Variants in CCNY observed in about 807,000 individuals in gnomAD.
CCNY encodes the protein cyclin Y.
CCNY carries 19 observed loss-of-function variants against 42.8 expected under a neutral mutation model. The observed-to-expected ratio is 0.44, with a 90% confidence interval of 0.31 to 0.65. The LOEUF is 0.65. CCNY is among the 30% of genes least tolerant of loss of function. CCNY has a pLI of 0.07. For missense variants in CCNY, 370 were observed against 437.3 expected (o/e 0.85, Z 1.37); for synonymous variants, 165 against 162.7 (o/e 1.01, Z -0.11).
chr10:35,421,684 C>G (rs1838162288), intron 1 of CCNY, among the ~76,000 whole-genome samples: 1 of 152,138 alleles, frequency 6.6e-6, no homozygotes, highest in African/African-American at 2.4e-5. Flanking sequence ...CTCCCATTTT[C>G]TTGAGCTGAG....
At chr10:35,337,235 C>G (rs1836061403) in intron 1 of CCNY, 28 bp downstream of exon 1, 3 of 1,478,176 alleles carry the variant, frequency 2.0e-6, no homozygotes, top group Non-Finnish European at 2.7e-6. Context: ...AGCCCCCTAC[C>G]CGCCCCCGCG....
chr10:35,517,464 A>G (rs756210478), intron 4 of CCNY, among the ~76,000 whole-genome samples: 2 of 152,202 alleles, frequency 1.3e-5, no homozygotes, highest in African/African-American at 2.4e-5. Context: ...AGCATATGAA[A>G]TAAGTGTTTA....
chr10:35,534,938 A>G (rs1004967193), intron 7 of CCNY, among the ~76,000 whole-genome samples: 7 of 148,304 alleles, frequency 4.7e-5, no homozygotes, highest in Non-Finnish European at 1.0e-4. Context: ...ATAATATTCC[A>G]TTGAGTGGGG....
At chr10:35,316,832 T>C (rs935858049) in intron 3 of CCNY, among the ~76,000 whole-genome samples, 1 of 152,210 alleles carries the variant, frequency 6.6e-6, no homozygotes, top group South Asian at 2.1e-4. Flanking sequence ...GATTGAGGTA[T>C]TGGTAGAGAA....
At chr10:35,523,668 C>A (rs376882391) in intron 4 of CCNY, among the ~76,000 whole-genome samples, 6 of 152,138 alleles carry the variant, frequency 3.9e-5, no homozygotes, top group African/African-American at 1.4e-4. Context: ...CTCGCCCATT[C>A]GGCAGAAGCC....
chr10:35,371,373 A>G (rs1268673122), intron 1 of CCNY, among the ~76,000 whole-genome samples: 1 of 152,192 alleles, frequency 6.6e-6, no homozygotes, highest in Non-Finnish European at 1.5e-5. Flanking sequence ...AGCCTGGATT[A>G]GTTGTCTTCC....
intron 3 of CCNY, among the ~76,000 whole-genome samples, chr10:35,261,239 AT>A (rs58071660): frequency 0.01 from 1,359 of 132,174 alleles, 13 homozygotes; most frequent in African/African-American, 0.016. Context: ...AAAAAAAAAA[AT>A]TTTTTTTTTT....
rs1840740659 is a variant in CCNY at position 35,530,358 on chromosome 10, A to G, written c.579+115A>G. 3 of 1,264,572 alleles carry G rather than the reference A, an allele frequency of 2.4e-6. No individual in the cohort carries two copies. The highest frequency in any genetic ancestry group is 2.9e-5 in the African/African-American group (2 of 67,856). 78.3% of individuals were successfully genotyped at this position (1,264,572 alleles called of 1,614,324 possible). On this transcript the variant is annotated intron_variant, in intron 7 of 9. Coordinates refer to ENST00000374704, the MANE Select transcript of CCNY (RefSeq NM_145012.6). This position sits in a 1 kb window ranked among gnomAD's most constrained non-coding sequence, Gnocchi z 4.3. ...GAATCCTCACCAGGTTACCCTGTGG[A>G]CACCGTGGCATAAGCTTCAGTGTTG...
chr10:35,364,265 G>A (rs1836762835), intron 1 of CCNY, among the ~76,000 whole-genome samples: 2 of 152,004 alleles, frequency 1.3e-5, no homozygotes, highest in South Asian at 4.2e-4. Context: ...TCTAAACAAT[G>A]GAAGGAGCAA....
intron 1 of CCNY, among the ~76,000 whole-genome samples, chr10:35,342,355 C>G (rs1046323011): frequency 6.6e-6 from 1 of 152,244 alleles, no homozygotes; most frequent in East Asian, 1.9e-4. Flanking sequence ...CAGGCTAAGA[C>G]TTATCAGCCC....
chr10:35,405,265 A>G (rs1289157838), intron 1 of CCNY, among the ~76,000 whole-genome samples: 4 of 152,052 alleles, frequency 2.6e-5, no homozygotes, highest in Admixed American at 1.3e-4. Context: ...GGATATTGGC[A>G]TTGAGCAGGA....
chr10:35,364,549 G>T (rs1265140131), intron 1 of CCNY, among the ~76,000 whole-genome samples: 1 of 152,166 alleles, frequency 6.6e-6, no homozygotes, highest in Non-Finnish European at 1.5e-5. Flanking sequence ...CTCTTTGAGT[G>T]TGTTCATAAA....
In CCNY at chr10:35,357,106, G is replaced by A. The variant is rs374887378; in HGVS notation, c.154+19899G>A. ...CACCTGGCTGGCTTTTGGGCATCCC[G>A]CATCACCCCGCATCACCTGTTCAGG... On this transcript the variant is annotated intron_variant, in intron 1 of 9. Transcript: ENST00000374704. Among the ~76,000 whole-genome samples, 47 of 55,050 alleles carry A rather than the reference G, an allele frequency of 8.5e-4. No individual in the cohort carries two copies. In the South Asian group the frequency reaches 0.022, roughly 25 times the overall value. 36.1% of individuals were successfully genotyped at this position (55,050 alleles called of 152,430 possible).
Position 35,514,101 on chromosome 10 carries a change from A to G in CCNY, c.265-2422A>G, listed in dbSNP as rs573040255. Among the ~76,000 whole-genome samples the G allele has an allele frequency of 2.0e-5, 3 of 147,114 alleles. No individual in the cohort carries two copies. In the East Asian group the frequency reaches 6.0e-4, roughly 29 times the overall value. ...AAAAAAAAAAAAAAAAAAAAAACAG[A>G]GACAACCCTGGGGTCAAGAGCATTT... On this transcript the variant is annotated intron_variant, in intron 3 of 9. Transcript: ENST00000374704.
At chr10:35,447,206 G>A (rs1045019052) in intron 1 of CCNY, among the ~76,000 whole-genome samples, 1 of 152,238 alleles carries the variant, frequency 6.6e-6, no homozygotes, top group Non-Finnish European at 1.5e-5. Flanking sequence ...GAACCCGGGA[G>A]GCGGAGCTTG....
At chr10:35,535,490 C>T (rs1840866976) in intron 7 of CCNY, among the ~76,000 whole-genome samples, 2 of 152,090 alleles carry the variant, frequency 1.3e-5, no homozygotes, top group Non-Finnish European at 2.9e-5. Context: ...TTGGCTCTCT[C>T]TGTCTCTCTC....
chr10:35,361,222 GT>G (rs1836678556), intron 1 of CCNY, among the ~76,000 whole-genome samples: 1 of 152,112 alleles, frequency 6.6e-6, no homozygotes, highest in Non-Finnish European at 1.5e-5. Flanking sequence ...TGTTATCTGT[GT>G]TTACATATAT....
intron 1 of CCNY, among the ~76,000 whole-genome samples, chr10:35,445,309 G>A (rs981854792): frequency 2.6e-5 from 4 of 152,186 alleles, no homozygotes; most frequent in African/African-American, 9.7e-5. Flanking sequence ...CTCCACCCAT[G>A]CAGACATTAC....
chr10:35,278,422 C>CTAG (rs1296305852), intron 3 of CCNY, among the ~76,000 whole-genome samples: 2 of 151,478 alleles, frequency 1.3e-5, no homozygotes, highest in African/African-American at 4.9e-5. Flanking sequence ...CCGCCCAACA[C>CTAG]TAGTGATGGG....
Sources: allele counts gnomAD v4.1 joint callset (sites outside exome capture counted in the v4.1 genomes callset), GRCh38; gene constraint gnomAD v4.1.1; non-coding constraint Gnocchi (gnomAD v3.1); transcripts MANE v1.5; gene names NCBI Gene and HGNC (gene_info 2026-07-23, HGNC 2026-07-21).